SUPT20HL2: variants seen among roughly 807,000 people sequenced by gnomAD.
The protein encoded by SUPT20HL2 is transcription factor SPT20 homolog-like 2.
For missense variants in SUPT20HL2, 288 were observed against 127.4 expected, an observed-to-expected ratio of 2.26 and a Z score of -6.07; for synonymous variants, 125 against 51.6, an observed-to-expected ratio of 2.42 and a Z score of -6.10.
Position 24,311,805 on chromosome X carries a change from GCAGCAGCAGCTA to G in SUPT20HL2, c.1499_1510del (p.Val500_Ala503del). Reference sequence around the variant, plus strand: ...AGCAGGAGCAGGAGCAGGAGCAGGAGCAGCAGCAGCTACAGCAGGAGCAGCAGCAGGAAATGG... The same window carrying G: ...AGCAGGAGCAGGAGCAGGAGCAGGAGCAGCAGGAGCAGCAGCAGGAAATGG... On this transcript the variant is annotated inframe_deletion, in exon 1 of 1. Transcript: ENST00000486479. 8.9e-6 allele frequency: 3 copies of G among 336,845 alleles called. No homozygotes were observed. Among genetic ancestry groups the G allele is most frequent in the Non-Finnish European group, 1.8e-5 (3 of 167,248 alleles). The allele number at this position is 336,845 out of a possible 1,213,427, so 27.8% of individuals were successfully genotyped here. A position where few individuals can be genotyped will look rare whatever the true frequency, so the allele number is the denominator to read the frequency against.
rs1939119970 is a variant in SUPT20HL2 at position 24,311,127 on chromosome X, C to T, written c.2189G>A (p.Ser730Asn). 1 of 370,194 alleles carries T rather than the reference C, an allele frequency of 2.7e-6. No homozygotes were observed. The highest frequency in any genetic ancestry group is 7.9e-5 in the East Asian group (1 of 12,607). 30.5% of individuals were successfully genotyped at this position (370,194 alleles called of 1,213,427 possible). ...AGGAACCTGGGCAGAGCCAAGCAGA[C>T]TCAACACAGCAGCCTGGGGCTGGGG... ...LQPQPQAAVL[S>N]LLGSAQVPQQ... is the part of the protein sequence containing the mutation. The change falls in exon 1 of 1, where the codon AGT (serine) becomes AAT (asparagine). Residue 730 changes from serine to asparagine, a missense_variant. Transcript: ENST00000486479.
In SUPT20HL2 at chrX:24,310,765, CA is replaced by C. The variant is rs1939114984; in HGVS notation, c.*96del. 2 of 263,970 alleles carry C rather than the reference CA, an allele frequency of 7.6e-6. No homozygotes were observed. 21.8% of individuals were successfully genotyped at this position (263,970 alleles called of 1,213,427 possible). The stretch of plus-strand genomic sequence containing the variant: ...GTGTGTATTTTAAAATGTAAAATAC[CA>C]AAACATGAGAAAAAAAACAAAACTC... On this transcript the variant is annotated 3_prime_UTR_variant, in exon 1 of 1. Transcript: ENST00000486479.
In SUPT20HL2 at chrX:24,312,309, G is replaced by A. The variant is rs764240917; in HGVS notation, c.1007C>T (p.Pro336Leu). The change falls in exon 1 of 1, where the codon CCT becomes CTT. Residue 336 changes from proline to leucine, a missense_variant. Transcript: ENST00000486479. Reference protein sequence around the residue: ...PVWPAQEVEDPFRHAWEAGCQ... With the variant: ...PVWPAQEVEDLFRHAWEAGCQ... ...GCCAGCTTCCCATGCATGTCTGAAA[G>A]GGTCTTCTACCTCCTGGGCTGGCCA... The A allele has an allele frequency of 1.0e-4, 39 of 385,475 alleles. No individual in the cohort carries two copies. Among genetic ancestry groups the A allele is most frequent in the Admixed American group, 9.9e-4 (39 of 39,363 alleles). The allele number at this position is 385,475 out of a possible 1,213,427, so 31.8% of individuals were successfully genotyped here.
chrX:24,309,949 T>C lies in SUPT20HL2; in HGVS notation c.*913A>G, dbSNP rs1939107956. 9.1e-6 allele frequency among the ~76,000 whole-genome samples: 1 copy of C among 109,360 alleles called. No homozygotes were observed. The allele number at this position is 109,360 out of a possible 115,157, so 95.0% of individuals were successfully genotyped here. A position where few individuals can be genotyped will look rare whatever the true frequency, so the allele number is the denominator to read the frequency against. On this transcript the variant is annotated 3_prime_UTR_variant, in exon 1 of 1. Transcript: ENST00000486479. ...CGCAGTGTGACAAGCATCACTGTACTGTACTTTTTTTTCATTTTTCAAAAT... is the reference window on the plus strand; with the variant it reads ...CGCAGTGTGACAAGCATCACTGTACCGTACTTTTTTTTCATTTTTCAAAAT...
rs773109318 is a variant in SUPT20HL2, at chrX:24,311,548, A to T, written c.1768T>A (p.Cys590Ser). Residue 590 changes from cysteine to serine, a missense_variant, in exon 1 of 1, where the codon TGC becomes AGC. Transcript: ENST00000486479. ...GGGGCCTGCACAGGCTTGAAACTGC[A>T]CCCCAAAACCTGGGCTCCCCGGACT... ...GPVRGAQVLG[C>S]SFKPVQAPGS... 18 of 384,852 alleles carry T rather than the reference A, an allele frequency of 4.7e-5. No individual in the cohort carries two copies. Among genetic ancestry groups the T allele is most frequent in the Middle Eastern group, 4.3e-4 (1 of 2,313 alleles). The allele number at this position is 384,852 out of a possible 1,213,427, so 31.7% of individuals were successfully genotyped here.
In SUPT20HL2 at chrX:24,312,239, A is replaced by T. The variant is rs780363468; in HGVS notation, c.1077T>A (p.Asn359Lys). The change falls in exon 1 of 1, where the codon AAT becomes AAA. Residue 359 changes from asparagine to lysine, a missense_variant. Physicochemically the swap from Asn to Lys is moderately conservative, Grantham distance 94 (BLOSUM62 0). Coordinates refer to ENST00000486479, the MANE Select transcript of SUPT20HL2 (RefSeq NM_001136233.3). ...GTATTTTACCACAGAGAAGCGGATC[A>T]TTAAACGACTGCATGATGTTTGGCT... ...DTKPNIMQSF[N>K]DPLLCGKIRP... The T allele has an allele frequency of 1.0e-5, 4 of 384,238 alleles. No homozygotes were observed. The East Asian group carries it at 3.0e-4, about 29-fold the overall frequency. 31.7% of individuals were successfully genotyped at this position (384,238 alleles called of 1,213,427 possible).
Position 24,309,734 on chromosome X carries a change from T to TAAAAAAAAGAAAA in SUPT20HL2, c.*1127_*1128insTTTTCTTTTTTTT, listed in dbSNP as rs1939099521. On this transcript the variant is annotated 3_prime_UTR_variant, in exon 1 of 1. Transcript: ENST00000486479. ...AAAAAAAAGAAAAAAATAATAAAAA[T>TAAAAAAAAGAAAA]AAAAAAAAAAAGAAAAAAAAAAAAA... 6.4e-5 allele frequency among the ~76,000 whole-genome samples: 1 copy of TAAAAAAAAGAAAA among 15,706 alleles called. No homozygotes were observed. Among genetic ancestry groups the TAAAAAAAAGAAAA allele is most frequent in the African/African-American group, 3.4e-4 (1 of 2,899 alleles). The allele number at this position is 15,706 out of a possible 115,157, so 13.6% of individuals were successfully genotyped here. A position where few individuals can be genotyped will look rare whatever the true frequency, so the allele number is the denominator to read the frequency against.
rs1939125571 is a variant in SUPT20HL2, at chrX:24,311,467, C to G, written c.1849G>C (p.Gly617Arg). 2.6e-6 allele frequency: 1 copy of G among 386,361 alleles called. No homozygotes were observed. Among genetic ancestry groups the G allele is most frequent in the African/African-American group, 2.5e-5 (1 of 39,552 alleles). The allele number at this position is 386,361 out of a possible 1,213,427, so 31.8% of individuals were successfully genotyped here. Residue 617 changes from glycine to arginine, a missense_variant, in exon 1 of 1, where the codon GGA becomes CGA. Coordinates refer to ENST00000486479, the MANE Select transcript of SUPT20HL2 (RefSeq NM_001136233.3). The part of the protein sequence containing the change: ...GISGSGLQSS[G>R]GPLPDARPGA... ...GGCCTTGCATCTGGTAGTGGACCTC[C>G]TGAGGACTGAAGGCCACTGCCACTG... is the stretch of plus-strand genomic sequence containing the variant.
rs759315497 is a variant in SUPT20HL2, at chrX:24,313,364, G to A, written c.-49C>T. 3.1e-6 allele frequency: 1 copy of A among 327,140 alleles called. No individual in the cohort carries two copies. Among genetic ancestry groups the A allele is most frequent in the East Asian group, 7.7e-5 (1 of 13,013 alleles). 27.0% of individuals were successfully genotyped at this position (327,140 alleles called of 1,213,427 possible). ...AGAGGAGAGAAAACGCATGTGCGTT[G>A]GTGAAGCAGGGTGGAATCACGGCTG... On this transcript the variant is annotated 5_prime_UTR_variant, in exon 1 of 1. Coordinates refer to ENST00000486479, the MANE Select transcript of SUPT20HL2 (RefSeq NM_001136233.3).
In SUPT20HL2 at chrX:24,313,973, C is replaced by T. The variant is rs754190381; in HGVS notation, c.-658G>A. ...GCCCAGAAACCTGCCCCCAGGGAAGCGCTACCCAATCTGTTTGAGGGTTTC... is the reference window on the plus strand; with the variant it reads ...GCCCAGAAACCTGCCCCCAGGGAAGTGCTACCCAATCTGTTTGAGGGTTTC... On this transcript the variant is annotated 5_prime_UTR_variant, in exon 1 of 1. Transcript: ENST00000486479. 3 of 361,279 alleles carry T rather than the reference C, an allele frequency of 8.3e-6. No homozygotes were observed. Among genetic ancestry groups the T allele is most frequent in the East Asian group, 1.5e-4 (2 of 13,125 alleles). 29.8% of individuals were successfully genotyped at this position (361,279 alleles called of 1,213,427 possible).
At position 24,309,702 on chromosome X, in the gene SUPT20HL2, AAT is replaced by A. The variant is rs1362441369; in HGVS notation, c.*1158_*1159del. ...TAAAAAAAAAAAAATTAAAAAAAAAAATTAAAAAAAAAAAGAAAAAAATAATA... is the reference window on the plus strand; with the variant it reads ...TAAAAAAAAAAAAATTAAAAAAAAAATAAAAAAAAAAAGAAAAAAATAATA... On this transcript the variant is annotated 3_prime_UTR_variant, in exon 1 of 1. Coordinates refer to ENST00000486479, the MANE Select transcript of SUPT20HL2 (RefSeq NM_001136233.3). Among the ~76,000 whole-genome samples the A allele has an allele frequency of 1.2e-5, 1 of 81,382 alleles. No individual in the cohort carries two copies. The highest frequency in any genetic ancestry group is 5.8e-5 in the African/African-American group (1 of 17,135). The allele number at this position is 81,382 out of a possible 115,157, so 70.7% of individuals were successfully genotyped here.
In SUPT20HL2 at chrX:24,313,395, T is replaced by C. The variant is rs1939153548; in HGVS notation, c.-80A>G. On this transcript the variant is annotated 5_prime_UTR_variant, in exon 1 of 1. Coordinates refer to ENST00000486479, the MANE Select transcript of SUPT20HL2 (RefSeq NM_001136233.3). The stretch of plus-strand genomic sequence containing the variant: ...GCAGGGTGGAATCACGGCTGTCATA[T>C]TAATCTACAGGCCCGCAAGACGCCG... 9.0e-6 allele frequency: 3 copies of C among 333,682 alleles called. No homozygotes were observed. Among genetic ancestry groups the C allele is most frequent in the Non-Finnish European group, 1.8e-5 (3 of 168,662 alleles). The allele number at this position is 333,682 out of a possible 1,213,427, so 27.5% of individuals were successfully genotyped here.
At position 24,312,587 on chromosome X, in the gene SUPT20HL2, C is replaced by T. The variant is rs373468326; in HGVS notation, c.729G>A (p.Ser243=). 8.6e-4 allele frequency: 331 copies of T among 385,609 alleles called. 2 individuals are homozygous for T. Among genetic ancestry groups the T allele is most frequent in the African/African-American group, 7.6e-3 (300 of 39,236 alleles). 31.8% of individuals were successfully genotyped at this position (385,609 alleles called of 1,213,427 possible). ...CCTGCTGTGGCTTTACAGAGGGCCACGAATACCTCTGGAGGCACTGTTCCA... is the reference window on the plus strand; with the variant it reads ...CCTGCTGTGGCTTTACAGAGGGCCATGAATACCTCTGGAGGCACTGTTCCA... The part of the protein sequence containing the change: ...DPMEQCLQRY[S]WPSVKPQQEQ... Residue 243 remains serine, a synonymous_variant, in exon 1 of 1, where the codon TCG becomes TCA. Transcript: ENST00000486479.
chrX:24,312,759 T>C lies in SUPT20HL2; in HGVS notation c.557A>G (p.Glu186Gly), dbSNP rs760494225. 2.6e-6 allele frequency: 1 copy of C among 385,285 alleles called. No individual in the cohort carries two copies. The highest frequency in any genetic ancestry group is 2.6e-5 in the African/African-American group (1 of 39,143). The allele number at this position is 385,285 out of a possible 1,213,427, so 31.8% of individuals were successfully genotyped here. The stretch of plus-strand genomic sequence containing the variant: ...AAATTTGTCTTCCTGGCTCCATTTC[T>C]CGCCATCTCTTGTCATCGTCTTCAC... The part of the protein sequence containing the change: ...PEVKTMTRDG[E>G]KWSQEDKFPL... The change falls in exon 1 of 1, where the codon GAG becomes GGG. Residue 186 changes from glutamate to glycine, a missense_variant. Transcript: ENST00000486479.
At position 24,313,581 on chromosome X, in the gene SUPT20HL2, G is replaced by A. The variant is rs1407176621; in HGVS notation, c.-266C>T. On this transcript the variant is annotated 5_prime_UTR_variant, in exon 1 of 1. Coordinates refer to ENST00000486479, the MANE Select transcript of SUPT20HL2 (RefSeq NM_001136233.3). ...CGGCCTGGAACAGAAGTGAGCGGGA[G>A]GGCCGGGGTCAGCTTCTAGGCGCGT... Among the ~76,000 whole-genome samples the A allele has an allele frequency of 9.6e-6, 1 of 104,138 alleles. No individual in the cohort carries two copies. The highest frequency in any genetic ancestry group is 3.6e-5 in the African/African-American group (1 of 27,974). The allele number at this position is 104,138 out of a possible 115,157, so 90.4% of individuals were successfully genotyped here.
chrX:24,308,566 T>C lies in SUPT20HL2; in HGVS notation c.*2296A>G, dbSNP rs1399291549. Among the ~76,000 whole-genome samples the C allele has an allele frequency of 8.9e-6, 1 of 112,351 alleles. No individual in the cohort carries two copies. Among genetic ancestry groups the C allele is most frequent in the East Asian group, 2.8e-4 (1 of 3,624 alleles). On this transcript the variant is annotated 3_prime_UTR_variant, in exon 1 of 1. Transcript: ENST00000486479. ...CATCGGTAGCACATTAGTAAAAGGG[T>C]TCATCAAGTAAGATTCACTGGATAC...
At position 24,309,705 on chromosome X, in the gene SUPT20HL2, T is replaced by TAAAAAAAAAA. The variant is rs1157065397; in HGVS notation, c.*1147_*1156dup. ...AAAAAAAAAAATTAAAAAAAAAAAT[T>TAAAAAAAAAA]AAAAAAAAAAAGAAAAAAATAATAA... On this transcript the variant is annotated 3_prime_UTR_variant, in exon 1 of 1. Transcript: ENST00000486479. Among the ~76,000 whole-genome samples the TAAAAAAAAAA allele has an allele frequency of 5.5e-5, 1 of 18,038 alleles. No homozygotes were observed. The highest frequency in any genetic ancestry group is 2.6e-4 in the African/African-American group (1 of 3,791). The allele number at this position is 18,038 out of a possible 115,157, so 15.7% of individuals were successfully genotyped here.
rs1233136950 is a variant in SUPT20HL2, at chrX:24,308,210, T to C, written c.*2652A>G. ...TTATAAGGAAATAAAGACCACCAAA[T>C]GATAATCAGAAACAAAACTAAATTT... On this transcript the variant is annotated 3_prime_UTR_variant, in exon 1 of 1. Transcript: ENST00000486479. The C allele has an allele frequency of 8.1e-6, 3 of 371,922 alleles. No homozygotes were observed. Among genetic ancestry groups the C allele is most frequent in the Middle Eastern group, 4.3e-4 (1 of 2,343 alleles). The allele number at this position is 371,922 out of a possible 1,213,427, so 30.7% of individuals were successfully genotyped here.
rs1188304934 is a variant in SUPT20HL2, at chrX:24,311,269, G to T, written c.2047C>A (p.His683Asn). 1 of 387,466 alleles carries T rather than the reference G, an allele frequency of 2.6e-6. No individual in the cohort carries two copies. The highest frequency in any genetic ancestry group is 2.3e-5 in the South Asian group (1 of 42,833). The allele number at this position is 387,466 out of a possible 1,213,427, so 31.9% of individuals were successfully genotyped here. A position where few individuals can be genotyped will look rare whatever the true frequency, so the allele number is the denominator to read the frequency against. Reference sequence around the variant, plus strand: ...CCCTGTGGCCCTGGCTGAGGAGGGTGAGCAGCTGTGGGCTGCTGGAGCTGC... The same window carrying T: ...CCCTGTGGCCCTGGCTGAGGAGGGTTAGCAGCTGTGGGCTGCTGGAGCTGC... Reference protein sequence around the residue: ...LQQLQQPTAAHPPQPGPQGST... With the variant: ...LQQLQQPTAANPPQPGPQGST... Residue 683 changes from histidine to asparagine, a missense_variant, in exon 1 of 1, where the codon CAC becomes AAC. His to Asn is a moderately conservative substitution (Grantham distance 68). Coordinates refer to ENST00000486479, the MANE Select transcript of SUPT20HL2 (RefSeq NM_001136233.3).
Sources: allele counts gnomAD v4.1 joint callset (sites outside exome capture counted in the v4.1 genomes callset), GRCh38; gene constraint gnomAD v4.1.1; transcripts MANE v1.5; gene names NCBI Gene and HGNC (gene_info 2026-07-23, HGNC 2026-07-21).